NR2C2: variants seen among roughly 807,000 people sequenced by gnomAD.
NR2C2 encodes the protein Nuclear hormone receptor TR4.
In NR2C2, 6 loss-of-function variants were observed where a neutral mutation model predicts 62.9. The observed-to-expected ratio is 0.10, with a 90% CI of 0.05 to 0.19. The LOEUF (loss-of-function observed/expected upper bound fraction) is 0.19. Ranked by LOEUF, NR2C2 falls within the 10% of genes least tolerant of loss-of-function variation. The probability of loss-of-function intolerance (pLI) is 1.00; values close to 1 mark genes in which losing one functional copy is unlikely to be tolerated. For synonymous variants in NR2C2, 272 were observed against 273.8 expected (o/e 0.99, Z 0.07); for missense variants, 479 against 762.7 (o/e 0.63, Z 4.38).
intron 13 of NR2C2, 79 bp downstream of exon 13, chr3:15,039,306 T>C (rs1575044721): frequency 1.1e-6 from 1 of 910,246 alleles, no homozygotes; most frequent in Non-Finnish European, 1.8e-6. Flanking sequence ...ATATAAATTA[T>C]GTTAACCTTT....
At chr3:14,950,682 A>G (rs1485289756) in intron 1 of NR2C2, among the ~76,000 whole-genome samples, 1 of 152,160 alleles carries the variant, frequency 6.6e-6, no homozygotes, top group East Asian at 1.9e-4. Context: ...TTATGTGATT[A>G]TTTGATTAAT....
intron 1 of NR2C2, among the ~76,000 whole-genome samples, chr3:14,980,826 A>G (rs574237964): frequency 2.6e-5 from 4 of 152,318 alleles, no homozygotes; most frequent in African/African-American, 7.2e-5. Context: ...GAACCATGCA[A>G]TGAGCATTTT....
intron 1 of NR2C2, among the ~76,000 whole-genome samples, chr3:14,967,598 A>T (rs2039894809): frequency 6.6e-6 from 1 of 152,206 alleles, no homozygotes; most frequent in South Asian, 2.1e-4. Context: ...ATAAGGTGGC[A>T]GATGATAATT....
At chr3:14,951,093 CTT>C (rs2039344171) in intron 1 of NR2C2, among the ~76,000 whole-genome samples, 1 of 152,134 alleles carries the variant, frequency 6.6e-6, no homozygotes, top group African/African-American at 2.4e-5. Context: ...CCAAACATAA[CTT>C]ATGTTATTTA....
chr3:15,039,065 C>A, intron 12 of NR2C2, 57 bp from the exon 13 acceptor site: 2 of 1,290,382 alleles, frequency 1.5e-6, no homozygotes, highest in South Asian at 1.2e-5. Flanking sequence ...AAGAAGTCTA[C>A]AAGTGAGACT....
At chr3:15,020,523 A>C (rs1355754227) in intron 4 of NR2C2, among the ~76,000 whole-genome samples, 1 of 152,182 alleles carries the variant, frequency 6.6e-6, no homozygotes, top group Non-Finnish European at 1.5e-5. Flanking sequence ...AACCTGTCTG[A>C]GTTTCAGTAT....
chr3:14,963,917 A>G (rs544578367), intron 1 of NR2C2, among the ~76,000 whole-genome samples: 93 of 152,156 alleles, frequency 6.1e-4, no homozygotes, highest in Admixed American at 1.2e-3. Flanking sequence ...CTAGTTACCT[A>G]CCCCCCTCCC....
At chr3:15,030,747 G>C (rs987725349) in intron 9 of NR2C2, among the ~76,000 whole-genome samples, 6 of 152,154 alleles carry the variant, frequency 3.9e-5, no homozygotes, top group Admixed American at 2.0e-4. Flanking sequence ...AGAATCACTT[G>C]AACCTGGGAG....
intron 1 of NR2C2, among the ~76,000 whole-genome samples, chr3:14,969,638 A>G (rs2039978340): frequency 6.6e-6 from 1 of 152,216 alleles, no homozygotes; most frequent in Non-Finnish European, 1.5e-5. Flanking sequence ...GCAGAAAGAA[A>G]TCACTCATAC....
intron 2 of NR2C2, among the ~76,000 whole-genome samples, chr3:15,009,615 C>T (rs181292561): frequency 6.6e-6 from 1 of 152,058 alleles, no homozygotes; most frequent in Non-Finnish European, 1.5e-5. Context: ...TACTTCATTC[C>T]CCCCAGTTTG....
At chr3:15,010,126 C>G (rs933462257) in intron 2 of NR2C2, among the ~76,000 whole-genome samples, 1 of 152,192 alleles carries the variant, frequency 6.6e-6, no homozygotes, top group African/African-American at 2.4e-5. Context: ...CTCTCCTCCA[C>G]AGCCGACTTA....
At chr3:14,969,180 G>A (rs1409952989) in intron 1 of NR2C2, among the ~76,000 whole-genome samples, 1 of 150,792 alleles carries the variant, frequency 6.6e-6, no homozygotes, top group Admixed American at 6.6e-5. Flanking sequence ...CTCTATAACT[G>A]GAAATTTAAA....
intron 1 of NR2C2, among the ~76,000 whole-genome samples, chr3:14,968,470 A>C (rs922418902): frequency 2.0e-5 from 3 of 151,766 alleles, no homozygotes; most frequent in Non-Finnish European, 4.4e-5. Context: ...GCAATCATTA[A>C]AAAGTCAGGA....
At chr3:14,950,841 T>G (rs921160072) in intron 1 of NR2C2, among the ~76,000 whole-genome samples, 1 of 151,202 alleles carries the variant, frequency 6.6e-6, no homozygotes, top group Non-Finnish European at 1.5e-5. Flanking sequence ...TGCTGTACAT[T>G]GATGGATACC....
At chr3:14,983,723 C>T (rs1443296214) in intron 1 of NR2C2, among the ~76,000 whole-genome samples, 1 of 152,086 alleles carries the variant, frequency 6.6e-6, no homozygotes, top group Non-Finnish European at 1.5e-5. Flanking sequence ...TTTTTAACTA[C>T]TGATAGAATT....
At chr3:14,986,859 G>A (rs535973824) in intron 1 of NR2C2, among the ~76,000 whole-genome samples, 103 of 152,206 alleles carry the variant, frequency 6.8e-4, no homozygotes, top group Non-Finnish European at 1.2e-3. Context: ...ACCCAAACGT[G>A]AACGTAATTC....
intron 1 of NR2C2, among the ~76,000 whole-genome samples, chr3:14,986,790 A>T (rs1465054427): frequency 6.6e-6 from 1 of 152,250 alleles, no homozygotes. Context: ...CATCTTATTC[A>T]GGGTCACAGG....
intron 2 of NR2C2, among the ~76,000 whole-genome samples, chr3:15,010,728 A>AAT (rs1473962151): frequency 1.3e-5 from 2 of 151,664 alleles, no homozygotes; most frequent in African/African-American, 4.9e-5. Context: ...AAAAAAAAAA[A>AAT]TTCTGAGCCT....
chr3:15,034,129 GACTA>G lies in NR2C2; in HGVS notation c.1233-537_1233-534del, dbSNP rs1182294966. On this transcript the variant is annotated intron_variant, in intron 10 of 13. Transcript: ENST00000425241. ...TGTTTTGTGATGTGCCAACTTTGCT[GACTA>G]ACTGAGTAGAAGTTAGCCAGGGCAA... Among the ~76,000 whole-genome samples, 12 of 152,258 alleles carry G rather than the reference GACTA, an allele frequency of 7.9e-5. No homozygotes were observed. In the East Asian group the frequency reaches 1.5e-3, roughly 20 times the overall value.
Sources: gnomAD v4.1 joint callset for allele counts (sites outside exome capture counted in the v4.1 genomes callset) on GRCh38, gnomAD v4.1.1 for gene constraint, MANE v1.5 for transcripts, NCBI Gene and HGNC (gene_info 2026-07-23, HGNC 2026-07-21) for gene names.